Variants in GALNT13 observed in about 807,000 individuals in gnomAD.
GALNT13 encodes the protein polypeptide N-acetylgalactosaminyltransferase 13.
In GALNT13, 28 loss-of-function variants were observed where a neutral mutation model predicts 64.2. The observed-to-expected ratio is 0.44, with a 90% CI of 0.32 to 0.60. The LOEUF (loss-of-function observed/expected upper bound fraction) is 0.60. Ranked by LOEUF, GALNT13 falls within the 20% of genes least tolerant of loss-of-function variation. The probability of loss-of-function intolerance (pLI) is 0.05; values close to 1 mark genes in which losing one functional copy is unlikely to be tolerated. For synonymous variants in GALNT13, 214 were observed against 224.6 expected, an observed-to-expected ratio of 0.95 and a Z score of 0.42; for missense variants, 577 against 669.8, an observed-to-expected ratio of 0.86 and a Z score of 1.53.
chr2:153,201,763 A>G, the GALNT13 span: 1 of 152,156 alleles, frequency 6.6e-6, no homozygotes, highest in Non-Finnish European at 1.5e-5. Context: ...CCAGGTGGGC[A>G]CTATTCACTA....
At chr2:154,172,289 G>A (rs184833370) in intron 4 of GALNT13, among the ~76,000 whole-genome samples, 1 of 151,618 alleles carries the variant, frequency 6.6e-6, no homozygotes, top group African/African-American at 2.4e-5. Context: ...TTTTCTTTGT[G>A]CTATAAACAT....
chr2:153,927,593 G>T (rs1265700690), intron 2 of GALNT13, among the ~76,000 whole-genome samples: 1 of 151,920 alleles, frequency 6.6e-6, no homozygotes, highest in Admixed American at 6.6e-5. Flanking sequence ...TTGCTAATAA[G>T]AATATGAATT....
the GALNT13 span, among the ~76,000 whole-genome samples, chr2:153,210,661 G>A: frequency 6.6e-6 from 1 of 152,116 alleles, no homozygotes; most frequent in East Asian, 1.9e-4. Flanking sequence ...GATAATGCTG[G>A]CCTAACAAAA....
chr2:154,332,628 C>G (rs1206903800), intron 9 of GALNT13, among the ~76,000 whole-genome samples: 2 of 152,090 alleles, frequency 1.3e-5, no homozygotes, highest in Non-Finnish European at 2.9e-5. Context: ...CACCCAGCAA[C>G]AAATCTCTCC....
the GALNT13 span, among the ~76,000 whole-genome samples, chr2:153,713,490 T>C: frequency 6.6e-6 from 1 of 152,150 alleles, no homozygotes. Context: ...AAGGAGACCA[T>C]GTCTTTTTTT....
intron 3 of GALNT13, among the ~76,000 whole-genome samples, chr2:154,028,424 A>T (rs1245001330): frequency 6.6e-6 from 1 of 152,052 alleles, no homozygotes; most frequent in Non-Finnish European, 1.5e-5. Context: ...CCAAGCATAA[A>T]ATTTTAGATA....
chr2:153,771,017 A>T, the GALNT13 span, among the ~76,000 whole-genome samples: 3 of 152,152 alleles, frequency 2.0e-5, no homozygotes, highest in Non-Finnish European at 4.4e-5. Flanking sequence ...ACACCTGGAG[A>T]TATGTCTGGG....
At chr2:153,329,881 GTTTTC>G in the GALNT13 span, among the ~76,000 whole-genome samples, 3 of 152,096 alleles carry the variant, frequency 2.0e-5, no homozygotes, top group East Asian at 1.9e-4. Flanking sequence ...CGTTTCCTGG[GTTTTC>G]TTTTAAGATT....
At chr2:153,841,230 T>G in the GALNT13 span, among the ~76,000 whole-genome samples, 1 of 152,180 alleles carries the variant, frequency 6.6e-6, no homozygotes, top group Non-Finnish European at 1.5e-5. Flanking sequence ...CTTCATGTTA[T>G]TCCTCTATAG....
chr2:153,229,276 G>C, the GALNT13 span, among the ~76,000 whole-genome samples: 1 of 152,132 alleles, frequency 6.6e-6, no homozygotes, highest in Admixed American at 6.6e-5. Flanking sequence ...TAAGCAAACT[G>C]GTTCCAATAT....
chr2:154,178,488 TAC>T (rs1685778100), intron 4 of GALNT13, among the ~76,000 whole-genome samples: 1 of 151,838 alleles, frequency 6.6e-6, no homozygotes, highest in African/African-American at 2.4e-5. Flanking sequence ...ATGGGTGCAG[TAC>T]ACCAACATGC....
chr2:153,380,914 G>T, the GALNT13 span, among the ~76,000 whole-genome samples: 228 of 151,872 alleles, frequency 1.5e-3, no homozygotes, highest in African/African-American at 2.9e-3. Context: ...TCAATTTGGG[G>T]TTTTTTTGTG....
intron 3 of GALNT13, among the ~76,000 whole-genome samples, chr2:154,058,053 C>T (rs1462322053): frequency 6.6e-6 from 1 of 152,084 alleles, no homozygotes; most frequent in Non-Finnish European, 1.5e-5. Context: ...GCTCCTGCCC[C>T]CAATGTTATA....
chr2:153,355,617 G>T, the GALNT13 span, among the ~76,000 whole-genome samples: 1 of 152,170 alleles, frequency 6.6e-6, no homozygotes, highest in Non-Finnish European at 1.5e-5. Flanking sequence ...CCTGATTTCA[G>T]TTTCATCCAG....
At chr2:154,317,870 A>G (rs1021553631) in intron 9 of GALNT13, among the ~76,000 whole-genome samples, 11 of 152,084 alleles carry the variant, frequency 7.2e-5, no homozygotes, top group Admixed American at 7.2e-4. Context: ...AAGGATAACA[A>G]TCATTCTGAC....
the GALNT13 span, among the ~76,000 whole-genome samples, chr2:153,720,995 A>G: frequency 5.1e-3 from 776 of 152,248 alleles, 9 homozygotes; most frequent in African/African-American, 0.018. Flanking sequence ...CAGCAACTCC[A>G]AGATACATAA....
the GALNT13 span, among the ~76,000 whole-genome samples, chr2:153,696,687 C>G: frequency 6.6e-6 from 1 of 152,122 alleles, no homozygotes; most frequent in South Asian, 2.1e-4. Flanking sequence ...AATCAAAATA[C>G]GTTTGGACTG....
the GALNT13 span, among the ~76,000 whole-genome samples, chr2:153,126,294 TTGTATATATATATATATATATATATATA>T: frequency 1.2e-4 from 6 of 50,956 alleles, no homozygotes; most frequent in Non-Finnish European, 1.9e-4. Context: ...AGTATTGATT[TTGTATATATATATATATATATATATATA>T]TATATATATA....
At chr2:154,338,530 T>C (rs952308818) in intron 9 of GALNT13, among the ~76,000 whole-genome samples, 1 of 152,084 alleles carries the variant, frequency 6.6e-6, no homozygotes, top group Non-Finnish European at 1.5e-5. Flanking sequence ...CACAGATTCC[T>C]GGAAACAGGA....
Sources: allele counts gnomAD v4.1 joint callset (sites outside exome capture counted in the v4.1 genomes callset), GRCh38; gene constraint gnomAD v4.1.1; transcripts MANE v1.5; gene names NCBI Gene and HGNC (gene_info 2026-07-23, HGNC 2026-07-21).